The following CAMK1D variants were observed in gnomAD, a reference collection of about 807,000 sequenced individuals.
CAMK1D encodes calcium/calmodulin dependent protein kinase ID, also known as calcium/calmodulin-dependent protein kinase type 1D.
CAMK1D carries 9 observed loss-of-function variants against 47.7 expected under a neutral mutation model. That is an observed-to-expected ratio of 0.19 (90% CI 0.11 to 0.33). The LOEUF is 0.33. CAMK1D is among the 10% of genes least tolerant of loss of function. The probability of loss-of-function intolerance (pLI) is 1.00; values close to 1 mark genes in which losing one functional copy is unlikely to be tolerated. For missense variants in CAMK1D, 291 were observed against 488.7 expected, an observed-to-expected ratio of 0.60 and a Z score of 3.81; for synonymous variants, 184 against 184.9, an observed-to-expected ratio of 0.99 and a Z score of 0.04.
Position 12,761,034 on chromosome 10 carries a change from T to C in CAMK1D, c.386T>C (p.Leu129Ser). 1 of 1,614,152 alleles carries C rather than the reference T, an allele frequency of 6.2e-7. No individual in the cohort carries two copies. Among genetic ancestry groups the C allele is most frequent in the Non-Finnish European group, 8.5e-7 (1 of 1,180,022 alleles). ...KDASTLIRQVLDAVYYLHRMG... is the reference protein window; with the variant it reads ...KDASTLIRQVSDAVYYLHRMG... ...GCCAGCACTCTGATCCGCCAAGTCT[T>C]GGACGCCGTGTACTATCTCCACAGA... The change falls in exon 4 of 11, where the codon TTG becomes TCG. Residue 129 changes from leucine (L) to serine (S), a missense_variant. Transcript: ENST00000619168.
At chr10:12,699,700 G>T (rs1350126618) in intron 3 of CAMK1D, among the ~76,000 whole-genome samples, 2 of 151,308 alleles carry the variant, frequency 1.3e-5, no homozygotes, top group Non-Finnish European at 2.9e-5. Flanking sequence ...GATGAGGACG[G>T]TTTGCCGCCG....
intron 1 of CAMK1D, among the ~76,000 whole-genome samples, chr10:12,375,425 G>T (rs555609122): frequency 6.6e-6 from 1 of 152,204 alleles, no homozygotes; most frequent in Non-Finnish European, 1.5e-5. Context: ...TAGATTAGCT[G>T]CAATGAGTGT....
chr10:12,696,235 G>C (rs561117044), intron 3 of CAMK1D, among the ~76,000 whole-genome samples: 179 of 151,886 alleles, frequency 1.2e-3, no homozygotes, highest in Non-Finnish European at 2.3e-3. Context: ...AAAAATCACT[G>C]CTTTAAAAGT....
chr10:12,459,205 T>C (rs1485731788), intron 1 of CAMK1D, among the ~76,000 whole-genome samples: 1 of 152,154 alleles, frequency 6.6e-6, no homozygotes, highest in Non-Finnish European at 1.5e-5. Context: ...ATAATATAAT[T>C]ATCACTTCAG....
chr10:12,380,643 G>T (rs1387135171), intron 1 of CAMK1D, among the ~76,000 whole-genome samples: 2 of 152,080 alleles, frequency 1.3e-5, no homozygotes, highest in East Asian at 3.9e-4. Flanking sequence ...GGATCACGAG[G>T]TCAGAGATCG....
chr10:12,641,639 A>T (rs1324794571), intron 2 of CAMK1D, among the ~76,000 whole-genome samples: 1 of 152,096 alleles, frequency 6.6e-6, no homozygotes, highest in Non-Finnish European at 1.5e-5. Context: ...AAGCAAAGAA[A>T]AAAAGAGAAA....
chr10:12,464,115 T>C (rs2132060206), intron 1 of CAMK1D, among the ~76,000 whole-genome samples: 1 of 152,298 alleles, frequency 6.6e-6, no homozygotes, highest in Non-Finnish European at 1.5e-5. Flanking sequence ...ACACCCCTGC[T>C]TAGATGGGGT....
At chr10:12,536,543 T>A (rs963573568) in intron 1 of CAMK1D, among the ~76,000 whole-genome samples, 1 of 152,216 alleles carries the variant, frequency 6.6e-6, no homozygotes, top group East Asian at 1.9e-4. Flanking sequence ...CCTCCCACAG[T>A]GCTGGGATTA....
intron 1 of CAMK1D, among the ~76,000 whole-genome samples, chr10:12,404,122 C>T (rs989662694): frequency 4.6e-5 from 7 of 151,872 alleles, no homozygotes; most frequent in South Asian, 2.1e-4. Context: ...CTCACCTCAC[C>T]GCAACCTCCG....
chr10:12,353,957 C>T (rs1004197520), intron 1 of CAMK1D, among the ~76,000 whole-genome samples: 4 of 152,036 alleles, frequency 2.6e-5, no homozygotes, highest in Admixed American at 6.6e-5. Flanking sequence ...AAATACTATT[C>T]GGAGAAGTAT....
chr10:12,723,909 C>T (rs777791603), intron 3 of CAMK1D, among the ~76,000 whole-genome samples: 2 of 152,152 alleles, frequency 1.3e-5, no homozygotes, highest in Non-Finnish European at 2.9e-5. Context: ...TCCCTCCCCA[C>T]TCCCCCTACC....
chr10:12,385,810 A>G (rs868421852), intron 1 of CAMK1D, among the ~76,000 whole-genome samples: 4 of 140,404 alleles, frequency 2.8e-5, no homozygotes, highest in African/African-American at 8.1e-5. Flanking sequence ...GCAGTGGTGC[A>G]GTCTTGGCTC....
chr10:12,377,821 T>A (rs1484955054), intron 1 of CAMK1D, among the ~76,000 whole-genome samples: 1 of 152,214 alleles, frequency 6.6e-6, no homozygotes, highest in Non-Finnish European at 1.5e-5. Flanking sequence ...TGCTTCTGTT[T>A]AGGATATGTT....
chr10:12,574,171 C>A lies in CAMK1D; in HGVS notation c.224+20815C>A, dbSNP rs563959381. Among the ~76,000 whole-genome samples the A allele has an allele frequency of 3.9e-5, 6 of 152,316 alleles. No individual in the cohort carries two copies. In the South Asian group the frequency reaches 1.0e-3, roughly 26 times the overall value. ...TTTGCAGAATGCAGAGTCCCCATGACTGTTCTGAAACACTGGGCCCTGTTG... is the reference window on the plus strand; with the variant it reads ...TTTGCAGAATGCAGAGTCCCCATGAATGTTCTGAAACACTGGGCCCTGTTG... On this transcript the variant is annotated intron_variant, in intron 2 of 10. Transcript: ENST00000619168.
intron 1 of CAMK1D, among the ~76,000 whole-genome samples, chr10:12,372,033 A>C (rs1405969778): frequency 6.6e-6 from 1 of 152,152 alleles, no homozygotes; most frequent in Non-Finnish European, 1.5e-5. Flanking sequence ...TAGATATACA[A>C]CTACTTACTG....
chr10:12,760,842 A>G, intron 3 of CAMK1D, 106 bp from the exon 4 acceptor site: 3 of 1,260,146 alleles, frequency 2.4e-6, no homozygotes, highest in Admixed American at 1.9e-5. Flanking sequence ...CAATCTGAAG[A>G]TGGATTCATT....
At chr10:12,738,474 C>T (rs1273256124) in intron 3 of CAMK1D, among the ~76,000 whole-genome samples, 1 of 152,164 alleles carries the variant, frequency 6.6e-6, no homozygotes, top group Non-Finnish European at 1.5e-5. Flanking sequence ...GATATTTATG[C>T]CAACTTGATC....
In CAMK1D at chr10:12,615,651, ATG is replaced by A. The variant is rs1423181671; in HGVS notation, c.225-51081_225-51080del. Among the ~76,000 whole-genome samples the A allele has an allele frequency of 5.6e-5, 8 of 142,490 alleles. No homozygotes were observed. In the East Asian group the frequency reaches 1.5e-3, roughly 26 times the overall value. 93.5% of individuals were successfully genotyped at this position (142,490 alleles called of 152,430 possible). ...TGTGAGTGCACGTGTTTGTACAGGTATGTGTTTATTTGAAAGTGTATTTGTGT... is the reference window on the plus strand; with the variant it reads ...TGTGAGTGCACGTGTTTGTACAGGTATGTTTATTTGAAAGTGTATTTGTGT... On this transcript the variant is annotated intron_variant, in intron 2 of 10. Transcript: ENST00000619168.
chr10:12,632,789 G>A (rs918684737), intron 2 of CAMK1D, among the ~76,000 whole-genome samples: 6 of 152,066 alleles, frequency 3.9e-5, no homozygotes, highest in African/African-American at 1.4e-4. Flanking sequence ...CCAACTCCCT[G>A]GTTCAAACGA....
Sources: allele counts gnomAD v4.1 joint callset (sites outside exome capture counted in the v4.1 genomes callset), GRCh38; gene constraint gnomAD v4.1.1; transcripts MANE v1.5; gene names NCBI Gene and HGNC (gene_info 2026-07-23, HGNC 2026-07-21).